ACACB: variants seen among roughly 807,000 people sequenced by gnomAD.
The protein encoded by ACACB is acetyl-CoA carboxylase 2.
ACACB carries 209 observed loss-of-function variants against 278.8 expected under a neutral mutation model. That is an observed-to-expected ratio of 0.75 (90% CI 0.67 to 0.84). ACACB has a LOEUF of 0.84. Among genes scored for constraint, ACACB ranks in the 40% least tolerant of loss-of-function variants. The probability of loss-of-function intolerance (pLI) is 0.00; values close to 1 mark genes in which losing one functional copy is unlikely to be tolerated. For synonymous variants in ACACB, 1,174 were observed against 1,285.6 expected (o/e 0.91, Z 1.86); for missense variants, 2,850 against 3,269.0 (o/e 0.87, Z 3.13).
chr12:109,179,969 A>G lies in ACACB; in HGVS notation c.1700A>G (p.Glu567Gly), dbSNP rs1565893525. The change falls in exon 11 of 53, where the codon GAA becomes GGA. Residue 567 changes from glutamate to glycine, a missense_variant. Physicochemically the swap from Glu to Gly is moderately conservative, Grantham distance 98. Transcript: ENST00000338432. ...GGCTATGTGAGTGCAGGGACAGTGG[A>G]ATACCTCTATAGTCAGGATGGCAGC... ...TVGYVSAGTV[E>G]YLYSQDGSFH... 6.2e-7 allele frequency: 1 copy of G among 1,614,028 alleles called. No individual in the cohort carries two copies. Among genetic ancestry groups the G allele is most frequent in the Admixed American group, 1.7e-5 (1 of 60,030 alleles).
intron 1 of ACACB, among the ~76,000 whole-genome samples, chr12:109,119,900 A>C (rs537211312): frequency 6.8e-6 from 1 of 147,164 alleles, no homozygotes; most frequent in Non-Finnish European, 1.5e-5. Context: ...ATCTCAGAAG[A>C]AAAAAAAAAA....
chr12:109,266,371 C>T lies in ACACB; in HGVS notation c.*9C>T, dbSNP rs201391430. 926 of 1,598,668 alleles carry T rather than the reference C, an allele frequency of 5.8e-4. 2 individuals carry two copies. The highest frequency in any genetic ancestry group is 7.9e-4 in the Admixed American group (47 of 59,150). On this transcript the variant is annotated 3_prime_UTR_variant, in exon 53 of 53. Transcript: ENST00000338432. ...GCCCGGCCTCCACCTGACCGTGGCC[C>T]GCCCAGCCACTCCCGGGACCACGGC... is the stretch of plus-strand genomic sequence containing the variant.
At chr12:109,210,912 G>A (rs944917603) in intron 21 of ACACB, among the ~76,000 whole-genome samples, 2 of 150,160 alleles carry the variant, frequency 1.3e-5, no homozygotes, top group African/African-American at 4.9e-5. Context: ...GTACTGAGAT[G>A]TCTTATCATA....
In ACACB at chr12:109,246,439, C is replaced by A. The variant is rs1353864389; in HGVS notation, c.5562C>A (p.Asp1854Glu). Residue 1854 changes from aspartate to glutamate, a missense_variant, in exon 39 of 53, where the codon GAC (aspartate) becomes GAA (glutamate). This residue lies in a region of ACACB where 2,265 missense variants were observed against 2,561.3 expected (regional missense o/e 0.88). Transcript: ENST00000338432. ...ACGTGGCTTGGGTGGACCCAGAAGA[C>A]CCCCACAAAGTACGTCGTGAAACTG... ...MFHVAWVDPE[D>E]PHKGFKYLYL... 4 of 1,610,060 alleles carry A rather than the reference C, an allele frequency of 2.5e-6. No individual in the cohort carries two copies. The highest frequency in any genetic ancestry group is 1.7e-5 in the Admixed American group (1 of 59,932).
intron 45 of ACACB, among the ~76,000 whole-genome samples, chr12:109,256,537 T>C (rs918404219): frequency 6.6e-6 from 1 of 152,168 alleles, no homozygotes; most frequent in African/African-American, 2.4e-5. Flanking sequence ...TCACAGACAC[T>C]GGCACTCTGA....
At chr12:109,205,594 C>T (rs1169755942) in intron 19 of ACACB, among the ~76,000 whole-genome samples, 1 of 152,050 alleles carries the variant, frequency 6.6e-6, no homozygotes, top group Non-Finnish European at 1.5e-5. Flanking sequence ...GGATTACAGG[C>T]ACGCGCCACC....
At chr12:109,189,141 C>T (rs1261330721) in intron 13 of ACACB, among the ~76,000 whole-genome samples, 2 of 152,150 alleles carry the variant, frequency 1.3e-5, no homozygotes, top group Non-Finnish European at 2.9e-5. Context: ...AGGTATAAAA[C>T]TAGTTTACTT....
intron 16 of ACACB, among the ~76,000 whole-genome samples, chr12:109,195,661 T>C (rs1243790630): frequency 6.6e-6 from 1 of 152,224 alleles, no homozygotes; most frequent in African/African-American, 2.4e-5. Flanking sequence ...GTTGAGATCA[T>C]GGTGCAAATG....
intron 2 of ACACB, among the ~76,000 whole-genome samples, chr12:109,163,919 G>A (rs1346872996): frequency 6.6e-6 from 1 of 152,190 alleles, no homozygotes; most frequent in Non-Finnish European, 1.5e-5. Context: ...AAAAGTGCTG[G>A]GATCACAGGC....
chr12:109,219,469 AG>A (rs982260626), intron 24 of ACACB, among the ~76,000 whole-genome samples: 1 of 151,462 alleles, frequency 6.6e-6, no homozygotes, highest in Non-Finnish European at 1.5e-5. Flanking sequence ...TTCTAGGGGT[AG>A]GGCCCAGGCA....
chr12:109,174,100 T>C (rs2044204743), intron 6 of ACACB, 32 bp from the exon 7 acceptor site: 1 of 1,580,286 alleles, frequency 6.3e-7, no homozygotes, highest in African/African-American at 1.3e-5. Context: ...ACTGACCGGA[T>C]TCTGCTTCCC....
chr12:109,199,541 G>A lies in ACACB; in HGVS notation c.2767G>A (p.Ala923Thr), dbSNP rs1250054732. ...CCACGTTGAGGCTGGGAGCAGCTAC[G>A]CTGAGATGGAGGTGACTGCAGAGCC... Reference protein sequence around the residue: ...GGHVEAGSSYAEMEVMKMIMT... With the variant: ...GGHVEAGSSYTEMEVMKMIMT... Residue 923 changes from alanine to threonine, a missense_variant, in exon 18 of 53, where the codon GCT (alanine) becomes ACT (threonine). Transcript: ENST00000338432. 4 of 1,487,436 alleles carry A rather than the reference G, an allele frequency of 2.7e-6. No individual in the cohort carries two copies. Among genetic ancestry groups the A allele is most frequent in the Admixed American group, 2.2e-5 (1 of 45,132 alleles). 92.1% of individuals were successfully genotyped at this position (1,487,436 alleles called of 1,614,324 possible). A position where few individuals can be genotyped will look rare whatever the true frequency, so the allele number is the denominator to read the frequency against.
At chr12:109,225,242 C>T (rs1252215135) in intron 27 of ACACB, among the ~76,000 whole-genome samples, 1 of 152,196 alleles carries the variant, frequency 6.6e-6, no homozygotes, top group African/African-American at 2.4e-5. Flanking sequence ...ATCCTCCTGC[C>T]TCACCCTCCC....
chr12:109,197,248 G>A, intron 17 of ACACB, 95 bp downstream of exon 17: 1 of 1,463,908 alleles, frequency 6.8e-7, no homozygotes, highest in South Asian at 1.4e-5. Context: ...GCAGGTCCAA[G>A]GGTCTTAGAG....
intron 37 of ACACB, among the ~76,000 whole-genome samples, chr12:109,244,337 G>GCTGT (rs1162609896): frequency 2.0e-5 from 3 of 152,246 alleles, no homozygotes; most frequent in East Asian, 1.9e-4. Flanking sequence ...CTTGCTTCCT[G>GCTGT]CTGTCCCTAG....
At chr12:109,240,039 A>T in intron 35 of ACACB, 54 bp downstream of exon 35, 1 of 1,579,204 alleles carries the variant, frequency 6.3e-7, no homozygotes, top group Non-Finnish European at 8.6e-7. Flanking sequence ...CCTCTGAGCC[A>T]TGCTGCTTTG....
chr12:109,216,943 A>C, intron 24 of ACACB, 23 bp downstream of exon 24: 1 of 1,610,876 alleles, frequency 6.2e-7, no homozygotes, highest in Non-Finnish European at 8.5e-7. Context: ...AGGGCCTGTT[A>C]CTAGACTGGG....
intron 40 of ACACB, 187 bp from the exon 41 acceptor site, chr12:109,249,797 C>T: frequency 1.7e-6 from 1 of 580,752 alleles, no homozygotes; most frequent in Non-Finnish European, 2.8e-6. Context: ...TGATGCTGCA[C>T]TTGCCCTTTT....
At chr12:109,235,735 A>G (rs939746972) in intron 33 of ACACB, 88 bp downstream of exon 33, 1 of 1,247,506 alleles carries the variant, frequency 8.0e-7, no homozygotes, top group Non-Finnish European at 1.1e-6. Flanking sequence ...TGGTGGCTCA[A>G]GCCCGTAATC....
Sources: allele counts gnomAD v4.1 joint callset (sites outside exome capture counted in the v4.1 genomes callset), GRCh38; gene constraint gnomAD v4.1.1; regional missense constraint gnomAD v4.1.1; transcripts MANE v1.5; gene names NCBI Gene and HGNC (gene_info 2026-07-23, HGNC 2026-07-21).